RXRA: variants seen among roughly 807,000 people sequenced by gnomAD.
RXRA encodes the protein retinoic acid receptor RXR-alpha.
In RXRA, 5 loss-of-function variants were observed where a neutral mutation model predicts 44.5. That is an observed-to-expected ratio of 0.11 (90% CI 0.06 to 0.24). The LOEUF is 0.24. Ranked by LOEUF, RXRA falls within the 10% of genes least tolerant of loss-of-function variation. The pLI is 1.00. For missense variants in RXRA, 412 were observed against 646.5 expected (o/e 0.64, Z 3.93); for synonymous variants, 291 against 271.4 (o/e 1.07, Z -0.71).
At position 134,426,527 on chromosome 9, in the gene RXRA, T is replaced by C. The variant is rs1012407151; in HGVS notation, c.911-2581T>C. On this transcript the variant is annotated intron_variant, in intron 6 of 9. Coordinates refer to ENST00000481739, the MANE Select transcript of RXRA (RefSeq NM_002957.6). This position sits in a 1 kb window ranked among gnomAD's most constrained non-coding sequence, Gnocchi z 4.6. ...GAGGGTGCAGAGAGAGACTCCGCAC[T>C]GTTCTGTCCGTGTGTCTGGGCTCCT... The C allele has an allele frequency of 8.1e-6, 8 of 985,350 alleles. No individual in the cohort carries two copies. In the African/African-American group the frequency reaches 1.4e-4, roughly 17 times the overall value. 61.0% of individuals were successfully genotyped at this position (985,350 alleles called of 1,614,324 possible). A position where few individuals can be genotyped will look rare whatever the true frequency, so the allele number is the denominator to read the frequency against.
intron 1 of RXRA, chr9:134,379,889 A>C (rs1830615970): frequency 2.0e-6 from 2 of 985,114 alleles, no homozygotes; most frequent in Admixed American, 1.2e-4. Flanking sequence ...CCCCCTCTCC[A>C]GTATGGCAGA....
chr9:134,376,058 T>C (rs1238465000), intron 1 of RXRA, among the ~76,000 whole-genome samples: 3 of 151,888 alleles, frequency 2.0e-5, no homozygotes, highest in African/African-American at 7.3e-5. Flanking sequence ...ATTTATTAAT[T>C]TTTTAAAACA....
intron 1 of RXRA, among the ~76,000 whole-genome samples, chr9:134,362,416 G>A (rs916469892): frequency 1.3e-5 from 2 of 152,210 alleles, no homozygotes; most frequent in Non-Finnish European, 2.9e-5. Flanking sequence ...TGCAGCCCGC[G>A]TTTCTCCATT....
intron 7 of RXRA, 77 bp from the exon 8 acceptor site, chr9:134,431,828 C>T: frequency 8.6e-7 from 1 of 1,165,906 alleles, no homozygotes; most frequent in South Asian, 1.3e-5. Context: ...TCTCCAGAGG[C>T]CTTGGGTATC....
chr9:134,420,233 C>T (rs767792235), intron 5 of RXRA, among the ~76,000 whole-genome samples: 1 of 152,226 alleles, frequency 6.6e-6, no homozygotes, highest in Non-Finnish European at 1.5e-5. Context: ...GATGGGCAGG[C>T]GAGAAGGATG....
chr9:134,396,012 G>C (rs1311362985), intron 1 of RXRA, among the ~76,000 whole-genome samples: 1 of 152,226 alleles, frequency 6.6e-6, no homozygotes, highest in Non-Finnish European at 1.5e-5. Context: ...GCGGGAAACA[G>C]ATGTGCAGCA....
intron 1 of RXRA, among the ~76,000 whole-genome samples, chr9:134,334,389 A>G (rs1471500427): frequency 6.6e-6 from 1 of 152,254 alleles, no homozygotes; most frequent in Admixed American, 6.5e-5. Flanking sequence ...AGAGGCTGGC[A>G]GGCCGCATCC....
intron 1 of RXRA, among the ~76,000 whole-genome samples, chr9:134,370,158 A>G (rs894489379): frequency 2.0e-5 from 3 of 152,108 alleles, no homozygotes; most frequent in African/African-American, 7.2e-5. Flanking sequence ...CGGAAGGATG[A>G]CTGTCTGTCC....
At chr9:134,337,127 T>C (rs1830020209) in intron 1 of RXRA, among the ~76,000 whole-genome samples, 1 of 152,208 alleles carries the variant, frequency 6.6e-6, no homozygotes, top group African/African-American at 2.4e-5. Context: ...CTGGGAGTCC[T>C]TGAACTCAGA....
chr9:134,355,051 A>G (rs944858), intron 1 of RXRA, among the ~76,000 whole-genome samples: 8,972 of 152,286 alleles, frequency 0.059, 516 homozygotes, highest in African/African-American at 0.15. Flanking sequence ...CAGGAGGCAT[A>G]TACATCCCAT....
At position 134,423,301 on chromosome 9, in the gene RXRA, G is replaced by T. The variant is rs1170486607; in HGVS notation, c.910+1496G>T. On this transcript the variant is annotated intron_variant, in intron 6 of 9. Coordinates refer to ENST00000481739, the MANE Select transcript of RXRA (RefSeq NM_002957.6). ...TCCCATGTCCCCCTGGGCCCAAGAA[G>T]CCAAGCTCCCTTAGGGCCGGGTGTC... 5 of 985,342 alleles carry T rather than the reference G, an allele frequency of 5.1e-6. No individual in the cohort carries two copies. In the African/African-American group the frequency reaches 5.2e-5, roughly 10 times the overall value. 61.0% of individuals were successfully genotyped at this position (985,342 alleles called of 1,614,324 possible).
At chr9:134,410,723 G>A (rs1057211111) in intron 4 of RXRA, among the ~76,000 whole-genome samples, 4 of 152,136 alleles carry the variant, frequency 2.6e-5, no homozygotes, top group African/African-American at 7.2e-5. Context: ...GGAAGGCCTC[G>A]TGTGCAGCCT....
At chr9:134,388,805 C>T (rs549721743) in intron 1 of RXRA, among the ~76,000 whole-genome samples, 52 of 152,294 alleles carry the variant, frequency 3.4e-4, no homozygotes, top group African/African-American at 1.0e-3. Context: ...AGGTGACAGC[C>T]GGGTGCCCTG....
In RXRA at chr9:134,349,991, G is replaced by A. The variant is rs1554749274; in HGVS notation, c.28+23332G>A. On this transcript the variant is annotated intron_variant, in intron 1 of 9. Coordinates refer to ENST00000481739, the MANE Select transcript of RXRA (RefSeq NM_002957.6). This position sits in a 1 kb window ranked among gnomAD's most constrained non-coding sequence, Gnocchi z 4.3. ...GCTGGGACCCCTTCCCCAAGCCCAGGACCCCTGATTCATGCCTCTTTCCAG... is the reference window on the plus strand; with the variant it reads ...GCTGGGACCCCTTCCCCAAGCCCAGAACCCCTGATTCATGCCTCTTTCCAG... 6.6e-6 allele frequency among the ~76,000 whole-genome samples: 1 copy of A among 152,008 alleles called. No homozygotes were observed. Among genetic ancestry groups the A allele is most frequent in the East Asian group, 1.9e-4 (1 of 5,160 alleles).
chr9:134,327,025 C>A (rs1447996367), intron 1 of RXRA, among the ~76,000 whole-genome samples: 2 of 151,834 alleles, frequency 1.3e-5, no homozygotes, highest in Admixed American at 6.6e-5. Context: ...CTGCGCTCCG[C>A]GGCTCCGGCC....
At chr9:134,416,555 T>A (rs1199134379) in intron 4 of RXRA, among the ~76,000 whole-genome samples, 1 of 152,156 alleles carries the variant, frequency 6.6e-6, no homozygotes, top group Non-Finnish European at 1.5e-5. Flanking sequence ...CTGCCCTCCA[T>A]TTCTGGCAGG....
chr9:134,377,026 G>A (rs1294038715), intron 1 of RXRA, among the ~76,000 whole-genome samples: 3 of 152,224 alleles, frequency 2.0e-5, no homozygotes, highest in South Asian at 4.1e-4. Context: ...CGTCAGCCGG[G>A]TTTTCCTGGC....
rs201440938 is a variant in RXRA, at chr9:134,421,814, C to A, written c.910+9C>A. 3.7e-5 allele frequency: 60 copies of A among 1,612,376 alleles called. No individual in the cohort carries two copies. The highest frequency in any genetic ancestry group is 4.8e-5 in the Non-Finnish European group (57 of 1,179,408). ...CATCCTGCTGCGGGCAGGTGAGTGGCGAGGCCTAGGTGGGGATGGGGATGC... is the reference window on the plus strand; with the variant it reads ...CATCCTGCTGCGGGCAGGTGAGTGGAGAGGCCTAGGTGGGGATGGGGATGC... On this transcript the variant is annotated intron_variant, in intron 6 of 9. Coordinates refer to ENST00000481739, the MANE Select transcript of RXRA (RefSeq NM_002957.6).
intron 5 of RXRA, among the ~76,000 whole-genome samples, chr9:134,418,816 T>A (rs1831280969): frequency 6.6e-6 from 1 of 152,212 alleles, no homozygotes; most frequent in Non-Finnish European, 1.5e-5. Flanking sequence ...GTGCTGCTCC[T>A]CACCACCAGC....
Sources: allele counts gnomAD v4.1 joint callset (sites outside exome capture counted in the v4.1 genomes callset), GRCh38; gene constraint gnomAD v4.1.1; non-coding constraint Gnocchi (gnomAD v3.1); transcripts MANE v1.5; gene names NCBI Gene and HGNC (gene_info 2026-07-23, HGNC 2026-07-21).